Variants in CCDC180 observed in about 807,000 individuals in gnomAD.
CCDC180 encodes the protein coiled-coil domain-containing protein 180.
A neutral mutation model predicts 209.2 loss-of-function variants in CCDC180; 154 were observed. The observed-to-expected ratio is 0.74, with a 90% CI of 0.65 to 0.84. The LOEUF (loss-of-function observed/expected upper bound fraction) is 0.84. Among genes scored for constraint, CCDC180 ranks in the 40% least tolerant of loss-of-function variants. The pLI, the probability that CCDC180 is intolerant of heterozygous loss-of-function variation, is 0.00. For missense variants in CCDC180, 1,874 were observed against 1,997.3 expected, an observed-to-expected ratio of 0.94 and a Z score of 1.18; for synonymous variants, 778 against 749.1, an observed-to-expected ratio of 1.04 and a Z score of -0.63.
chr9:97,365,814 G>A lies in CCDC180; in HGVS notation c.4047+75G>A, dbSNP rs535823796. 1.8e-4 allele frequency: 245 copies of A among 1,325,548 alleles called. 3 individuals are homozygous for A. Among genetic ancestry groups the A allele is most frequent in the South Asian group, 1.7e-3 (145 of 83,774 alleles). The allele number at this position is 1,325,548 out of a possible 1,614,324, so 82.1% of individuals were successfully genotyped here. On this transcript the variant is annotated intron_variant, in intron 30 of 36. Coordinates refer to ENST00000529487, the MANE Select transcript of CCDC180 (RefSeq NM_020893.6). Reference sequence around the variant, plus strand: ...CTTCTGCAGTCTGCTGATCATGGCCGCTTGGGGGAAAATGAGGAAGAGAGG... The same window carrying A: ...CTTCTGCAGTCTGCTGATCATGGCCACTTGGGGGAAAATGAGGAAGAGAGG...
Position 97,357,640 on chromosome 9 carries a change from A to C in CCDC180, c.3278A>C (p.Asn1093Thr). The C allele has an allele frequency of 6.2e-7, 1 of 1,613,106 alleles. No homozygotes were observed. The highest frequency in any genetic ancestry group is 8.5e-7 in the Non-Finnish European group (1 of 1,179,664). The change falls in exon 25 of 37, where the codon AAT becomes ACT. Residue 1093 changes from asparagine to threonine, a missense_variant. Coordinates refer to ENST00000529487, the MANE Select transcript of CCDC180 (RefSeq NM_020893.6). The stretch of plus-strand genomic sequence containing the variant: ...CTGGTTTTCTAGGTGGCAAAATCCA[A>C]TTCGCAAACAAATGGATTAAATTTC... ...VKIKCQVAKS[N>T]SQTNGLNFSL... is the part of the protein sequence containing the mutation.
rs1426055415 is a variant in CCDC180 at position 97,330,452 on chromosome 9, G to A, written c.1959G>A (p.Val653=). The change falls in exon 18 of 37, where the codon GTG becomes GTA. Residue 653 remains valine, a synonymous_variant. Transcript: ENST00000529487. ...GTSTARSVEE[V]EEENDQEMES... ...GTACTGCCAGGTCAGTAGAAGAGGT[G>A]GAAGAAGAAAACGATCAAGAAATGG... The A allele has an allele frequency of 2.5e-6, 4 of 1,614,140 alleles. No individual in the cohort carries two copies. Among genetic ancestry groups the A allele is most frequent in the Non-Finnish European group, 3.4e-6 (4 of 1,180,028 alleles).
intron 19 of CCDC180, among the ~76,000 whole-genome samples, chr9:97,346,319 A>T (rs1826260624): frequency 6.6e-6 from 1 of 152,188 alleles, no homozygotes; most frequent in East Asian, 1.9e-4. Flanking sequence ...AAATTAGCTC[A>T]AGTTTCCATA....
chr9:97,349,638 C>T (rs932826109), intron 21 of CCDC180, among the ~76,000 whole-genome samples: 2 of 152,258 alleles, frequency 1.3e-5, no homozygotes, highest in Middle Eastern at 3.4e-3. Flanking sequence ...CAGAGGAGCC[C>T]TGAATGGAGA....
chr9:97,364,255 G>A, intron 29 of CCDC180, 127 bp downstream of exon 29: 1 of 791,672 alleles, frequency 1.3e-6, no homozygotes, highest in East Asian at 2.8e-5. Flanking sequence ...GGAGGGGTGA[G>A]AGGAGATAGC....
chr9:97,348,013 A>G (rs905093605), intron 20 of CCDC180, among the ~76,000 whole-genome samples: 9 of 152,172 alleles, frequency 5.9e-5, no homozygotes, highest in Admixed American at 5.9e-4. Flanking sequence ...CACCTTGTAC[A>G]AGATACAGCC....
At chr9:97,360,214 C>T (rs1046085004) in intron 26 of CCDC180, 113 bp downstream of exon 26, 10 of 1,280,860 alleles carry the variant, frequency 7.8e-6, no homozygotes, top group Non-Finnish European at 9.8e-6. Flanking sequence ...CAGGCCTCCG[C>T]GGGACATCAG....
Position 97,330,452 on chromosome 9 carries a change from GGAA to G in CCDC180, c.1966_1968del (p.Glu656del). 1 of 1,614,140 alleles carries G rather than the reference GGAA, an allele frequency of 6.2e-7. No individual in the cohort carries two copies. Among genetic ancestry groups the G allele is most frequent in the Non-Finnish European group, 8.5e-7 (1 of 1,180,028 alleles). On this transcript the variant is annotated inframe_deletion, in exon 18 of 37. Coordinates refer to ENST00000529487, the MANE Select transcript of CCDC180 (RefSeq NM_020893.6). Reference sequence around the variant, plus strand: ...GTACTGCCAGGTCAGTAGAAGAGGTGGAAGAAGAAAACGATCAAGAAATGGAGT... The same window carrying G: ...GTACTGCCAGGTCAGTAGAAGAGGTGGAAGAAAACGATCAAGAAATGGAGT...
intron 25 of CCDC180, chr9:97,357,993 C>T (rs1826631799): frequency 5.9e-6 from 2 of 339,116 alleles, no homozygotes; most frequent in East Asian, 1.1e-4. Flanking sequence ...CTGGCTTCCT[C>T]TGACCTCACT....
At chr9:97,336,705 C>A (rs956045930) in intron 18 of CCDC180, among the ~76,000 whole-genome samples, 2 of 152,130 alleles carry the variant, frequency 1.3e-5, no homozygotes, top group Non-Finnish European at 2.9e-5. Flanking sequence ...TGAAGAAAGT[C>A]ATTGGTAGCT....
chr9:97,325,670 G>C (rs1200624102), intron 14 of CCDC180, among the ~76,000 whole-genome samples: 1 of 152,162 alleles, frequency 6.6e-6, no homozygotes, highest in Non-Finnish European at 1.5e-5. Flanking sequence ...TTCTATGTGC[G>C]GTTTCTCAGG....
chr9:97,322,473 G>A (rs1012502058), intron 11 of CCDC180, among the ~76,000 whole-genome samples: 8 of 152,184 alleles, frequency 5.3e-5, no homozygotes, highest in African/African-American at 1.9e-4. Context: ...AGTGCATTCC[G>A]TTTTTCAGGG....
chr9:97,316,966 T>G lies in CCDC180; in HGVS notation c.796-99T>G, dbSNP rs1833193291. 4 of 1,221,994 alleles carry G rather than the reference T, an allele frequency of 3.3e-6. No individual in the cohort carries two copies. The South Asian group carries it at 6.4e-5, about 19-fold the overall frequency. The allele number at this position is 1,221,994 out of a possible 1,614,324, so 75.7% of individuals were successfully genotyped here. A position where few individuals can be genotyped will look rare whatever the true frequency, so the allele number is the denominator to read the frequency against. On this transcript the variant is annotated intron_variant, in intron 8 of 36. Coordinates refer to ENST00000529487, the MANE Select transcript of CCDC180 (RefSeq NM_020893.6). ...CCCCACTTGGCCCTCACCCTGCACC[T>G]CCCCTCTCCAGCCTCCCACTGCTCC...
At chr9:97,325,402 G>A (rs1001650651) in intron 14 of CCDC180, among the ~76,000 whole-genome samples, 1 of 152,190 alleles carries the variant, frequency 6.6e-6, no homozygotes, top group African/African-American at 2.4e-5. Context: ...CAGACAGATG[G>A]TTCAAGTGAG....
chr9:97,341,930 G>T (rs185590155), intron 18 of CCDC180, among the ~76,000 whole-genome samples: 1 of 152,180 alleles, frequency 6.6e-6, no homozygotes, highest in African/African-American at 2.4e-5. Context: ...CTCACAGTTC[G>T]ATCTCAGACT....
At chr9:97,327,910 G>A (rs1362159168) in intron 15 of CCDC180, 110 bp from the exon 16 acceptor site, 2 of 1,187,248 alleles carry the variant, frequency 1.7e-6, no homozygotes, top group Non-Finnish European at 2.3e-6. Context: ...TAAAAGAGCA[G>A]CCACACAGCA....
chr9:97,362,218 A>G lies in CCDC180; in HGVS notation c.3679A>G (p.Thr1227Ala), dbSNP rs956472314. The G allele has an allele frequency of 1.9e-6, 3 of 1,613,032 alleles. No individual in the cohort carries two copies. The highest frequency in any genetic ancestry group is 1.3e-5 in the African/African-American group (1 of 74,862). ...CAGACTTCCCAACACAAAATGGCCA[A>G]CCCACCATTGTGACAAAGATCCGTC... ...LLQLPNTKWP[T>A]HHCDKDPSQT... Residue 1227 changes from threonine (T) to alanine (A), a missense_variant, in exon 28 of 37, where the codon ACC becomes GCC. Transcript: ENST00000529487.
rs943051050 is a variant in CCDC180, at chr9:97,370,155, T to C, written c.4350+73T>C. The C allele has an allele frequency of 2.2e-5, 34 of 1,514,500 alleles. No individual in the cohort carries two copies. In the African/African-American group the frequency reaches 4.3e-4, roughly 19 times the overall value. The allele number at this position is 1,514,500 out of a possible 1,614,324, so 93.8% of individuals were successfully genotyped here. A position where few individuals can be genotyped will look rare whatever the true frequency, so the allele number is the denominator to read the frequency against. ...GGAGTTCAGAAATGGTGGCAGGTTG[T>C]GGGCAGGGCCAAGTCCAAGGGAAGA... On this transcript the variant is annotated intron_variant, in intron 32 of 36. Transcript: ENST00000529487.
chr9:97,323,341 G>A (rs573522421), intron 12 of CCDC180, among the ~76,000 whole-genome samples: 12 of 152,018 alleles, frequency 7.9e-5, no homozygotes, highest in South Asian at 4.2e-4. Flanking sequence ...ATTGCAATGC[G>A]CCCCCTTCAT....
Sources: allele counts gnomAD v4.1 joint callset (sites outside exome capture counted in the v4.1 genomes callset), GRCh38; gene constraint gnomAD v4.1.1; transcripts MANE v1.5; gene names NCBI Gene and HGNC (gene_info 2026-07-23, HGNC 2026-07-21).